PPFIBP2: variants seen among roughly 807,000 people sequenced by gnomAD.
PPFIBP2 encodes the protein liprin-beta-2.
A neutral mutation model predicts 118.3 loss-of-function variants in PPFIBP2; 118 were observed. The ratio of observed to expected loss-of-function variants is 1.00; its 90% CI spans 0.86 to 1.16. PPFIBP2 has a LOEUF of 1.16. Ranked by LOEUF, PPFIBP2 falls within the 50% of genes most tolerant of loss-of-function variation. The probability of loss-of-function intolerance (pLI) is 0.00; values close to 1 mark genes in which losing one functional copy is unlikely to be tolerated. For synonymous variants in PPFIBP2, 414 were observed against 397.4 expected, an observed-to-expected ratio of 1.04 and a Z score of -0.50; for missense variants, 1,195 against 1,073.1, an observed-to-expected ratio of 1.11 and a Z score of -1.59.
downstream of PPFIBP2, among the ~76,000 whole-genome samples, chr11:7,660,630 A>C (rs377315438): frequency 6.6e-6 from 1 of 150,832 alleles, no homozygotes; most frequent in Non-Finnish European, 1.5e-5. Flanking sequence ...TGTCTCTGCC[A>C]GGTTTTGGTA....
chr11:7,593,467 C>A (rs550374276), intron 4 of PPFIBP2, among the ~76,000 whole-genome samples: 9 of 152,306 alleles, frequency 5.9e-5, no homozygotes, highest in African/African-American at 2.2e-4. Context: ...CCCAAGCACC[C>A]GCTTCTATAC....
chr11:7,543,646 T>C (rs745651562), intron 1 of PPFIBP2, among the ~76,000 whole-genome samples: 3 of 152,218 alleles, frequency 2.0e-5, no homozygotes, highest in Non-Finnish European at 2.9e-5. Context: ...ACCATTTTTA[T>C]TGAGAGAAAA....
intron 1 of PPFIBP2, among the ~76,000 whole-genome samples, chr11:7,531,766 C>CT (rs147280777): frequency 0.03 from 4,525 of 152,260 alleles, 213 homozygotes; most frequent in African/African-American, 0.1. Flanking sequence ...GGCCAGAACT[C>CT]TAAGATCAGG....
intron 1 of PPFIBP2, among the ~76,000 whole-genome samples, chr11:7,536,778 A>T (rs1435744999): frequency 6.6e-6 from 1 of 152,134 alleles, no homozygotes; most frequent in African/African-American, 2.4e-5. Context: ...GAGTGAGCGT[A>T]AGTTGTGACC....
At chr11:7,589,611 CAAA>C (rs56678642) in intron 3 of PPFIBP2, among the ~76,000 whole-genome samples, 1 of 142,270 alleles carries the variant, frequency 7.0e-6, no homozygotes, top group African/African-American at 2.6e-5. Context: ...AACCCCCTCC[CAAA>C]AAAAAAAAAA....
chr11:7,567,821 C>G (rs4568987), intron 3 of PPFIBP2, among the ~76,000 whole-genome samples: 25,352 of 152,168 alleles, frequency 0.17, 2,145 homozygotes, highest in African/African-American at 0.18. Context: ...CTTATCCCCT[C>G]GTAGCTTGTG....
chr11:7,566,340 C>T (rs139944023), intron 3 of PPFIBP2, among the ~76,000 whole-genome samples: 2 of 152,194 alleles, frequency 1.3e-5, no homozygotes, highest in East Asian at 3.9e-4. Context: ...ATGCATTTCC[C>T]ATATACATAT....
In PPFIBP2 at chr11:7,517,796, G is replaced by A. The variant is rs375675264; in HGVS notation, c.-37+3675G>A. On this transcript the variant is annotated intron_variant, in intron 1 of 23. Transcript: ENST00000299492. ...GGATGAAGTGATGGTAGTTGCCGGGGCATCCATTCCAGGGCACCATCAGTC... is the reference window on the plus strand; with the variant it reads ...GGATGAAGTGATGGTAGTTGCCGGGACATCCATTCCAGGGCACCATCAGTC... 6.6e-5 allele frequency among the ~76,000 whole-genome samples: 10 copies of A among 152,298 alleles called. No homozygotes were observed. The East Asian group carries it at 1.5e-3, about 24-fold the overall frequency.
At chr11:7,567,939 T>C (rs1855194150) in intron 3 of PPFIBP2, among the ~76,000 whole-genome samples, 1 of 152,142 alleles carries the variant, frequency 6.6e-6, no homozygotes, top group South Asian at 2.1e-4. Flanking sequence ...GGAGACTCAG[T>C]TGAATTATTT....
intron 3 of PPFIBP2, among the ~76,000 whole-genome samples, chr11:7,581,490 C>T (rs1227413718): frequency 1.3e-5 from 2 of 152,144 alleles, no homozygotes; most frequent in African/African-American, 4.8e-5. Context: ...GTGGAATTAA[C>T]TCAAGCTGCT....
chr11:7,610,307 C>A lies in PPFIBP2; in HGVS notation c.503C>A (p.Thr168Lys), dbSNP rs1847910746. 1.6e-5 allele frequency: 26 copies of A among 1,613,932 alleles called. No homozygotes were observed. Among genetic ancestry groups the A allele is most frequent in the Non-Finnish European group, 2.2e-5 (26 of 1,179,896 alleles). ...TGCTTGCAGGAGCTGCTAAGCCGCA[C>A]ATCTCTTGAGACCCAGAAGCTCGAT... is the stretch of plus-strand genomic sequence containing the variant. ...EMLQQELLSR[T>K]SLETQKLDLM... The change falls in exon 6 of 24, where the codon ACA becomes AAA. Residue 168 changes from threonine (T) to lysine (K), a missense_variant. By Grantham distance (78) the Thr-to-Lys change is moderately conservative. Coordinates refer to ENST00000299492, the MANE Select transcript of PPFIBP2 (RefSeq NM_003621.5).
chr11:7,610,573 A>G (rs1226859356), intron 6 of PPFIBP2, 151 bp downstream of exon 6: 1 of 1,157,874 alleles, frequency 8.6e-7, no homozygotes, highest in Non-Finnish European at 1.2e-6. Context: ...ATACCAAGTT[A>G]TCAGGTTTTG....
rs183519664 is a variant in PPFIBP2, at chr11:7,638,123, C to T, written c.1237-1609C>T. Among the ~76,000 whole-genome samples, 279 of 152,332 alleles carry T rather than the reference C, an allele frequency of 1.8e-3. 1 individual carries two copies. The highest frequency in any genetic ancestry group is 6.6e-4 in the Non-Finnish European group (45 of 68,032). The stretch of plus-strand genomic sequence containing the variant: ...CTGGGTCTGACTGCATTAGTATAAT[C>T]TGAGATAATCTGAGATCCTTGTTAA... On this transcript the variant is annotated intron_variant, in intron 14 of 23. Transcript: ENST00000299492.
intron 17 of PPFIBP2, among the ~76,000 whole-genome samples, chr11:7,647,904 C>T (rs939042661): frequency 1.3e-5 from 2 of 152,112 alleles, no homozygotes; most frequent in Non-Finnish European, 1.5e-5. Flanking sequence ...AAGTAATGTG[C>T]TAGCTGTTGT....
intron 4 of PPFIBP2, chr11:7,597,112 G>A (rs1020162718): frequency 7.3e-7 from 1 of 1,370,660 alleles, no homozygotes; most frequent in East Asian, 2.6e-5. Flanking sequence ...TAGGTGAGCA[G>A]TCCTCACACC....
intron 2 of PPFIBP2, among the ~76,000 whole-genome samples, chr11:7,557,621 A>T (rs564606414): frequency 6.6e-6 from 1 of 151,802 alleles, no homozygotes; most frequent in East Asian, 1.9e-4. Flanking sequence ...AGTAATTGGG[A>T]TTACAGGTGC....
chr11:7,622,298 G>T (rs1259023832), intron 7 of PPFIBP2, among the ~76,000 whole-genome samples: 1 of 152,202 alleles, frequency 6.6e-6, no homozygotes, highest in Non-Finnish European at 1.5e-5. Flanking sequence ...CCAAGAGGGT[G>T]GTGCCACCAT....
intron 17 of PPFIBP2, among the ~76,000 whole-genome samples, chr11:7,646,502 A>G (rs1853087938): frequency 6.6e-6 from 1 of 152,230 alleles, no homozygotes; most frequent in South Asian, 2.1e-4. Flanking sequence ...GTCATAGAAT[A>G]TATTATAAAG....
chr11:7,595,542 T>C (rs1201833381), intron 4 of PPFIBP2, among the ~76,000 whole-genome samples: 1 of 152,168 alleles, frequency 6.6e-6, no homozygotes, highest in Non-Finnish European at 1.5e-5. Context: ...CTAACACAAT[T>C]GGGAAGCTGC....
Sources: allele counts gnomAD v4.1 joint callset (sites outside exome capture counted in the v4.1 genomes callset), GRCh38; gene constraint gnomAD v4.1.1; transcripts MANE v1.5; gene names NCBI Gene and HGNC (gene_info 2026-07-23, HGNC 2026-07-21).